SUSD6: variants seen among roughly 807,000 people sequenced by gnomAD.
SUSD6 encodes sushi domain containing 6, also known as sushi domain-containing protein 6.
In SUSD6, 16 loss-of-function variants were observed where a neutral mutation model predicts 28.4. That is an observed-to-expected ratio of 0.56 (90% CI 0.38 to 0.86). The LOEUF is 0.86. SUSD6 is among the 40% of genes least tolerant of loss of function. SUSD6 has a pLI of 0.00. For missense variants in SUSD6, 341 were observed against 384.2 expected, an observed-to-expected ratio of 0.89 and a Z score of 0.94; for synonymous variants, 147 against 159.6, an observed-to-expected ratio of 0.92 and a Z score of 0.59.
At chr14:69,697,458 C>T in intron 2 of SUSD6, among the ~76,000 whole-genome samples, 1 of 152,082 alleles carries the variant, frequency 6.6e-6, no homozygotes, top group East Asian at 1.9e-4. Flanking sequence ...AGTGTACAGA[C>T]TACTATGAGA....
At chr14:69,707,439 T>G (rs899815574) in intron 4 of SUSD6, among the ~76,000 whole-genome samples, 1 of 152,236 alleles carries the variant, frequency 6.6e-6, no homozygotes, top group African/African-American at 2.4e-5. Flanking sequence ...CAAATTTACT[T>G]TGTTATCCCA....
At chr14:69,701,581 C>T (rs1374839751) in intron 2 of SUSD6, among the ~76,000 whole-genome samples, 1 of 152,160 alleles carries the variant, frequency 6.6e-6, no homozygotes, top group African/African-American at 2.4e-5. Flanking sequence ...AGCTGGCCAG[C>T]GCTCTGAACT....
intron 2 of SUSD6, among the ~76,000 whole-genome samples, chr14:69,689,612 T>C (rs1886125556): frequency 6.6e-6 from 1 of 152,156 alleles, no homozygotes; most frequent in Non-Finnish European, 1.5e-5. Context: ...ATGAAGGAAT[T>C]TGTTAGGAAA....
At chr14:69,677,477 G>A (rs574136228) in intron 2 of SUSD6, among the ~76,000 whole-genome samples, 40 of 151,594 alleles carry the variant, frequency 2.6e-4, no homozygotes, top group African/African-American at 9.5e-4. Context: ...AACCTGGGAG[G>A]CGGAGCTTCC....
chr14:69,704,719 G>C lies in SUSD6; in HGVS notation c.435G>C (p.Lys145Asn), dbSNP rs1351672198. The C allele has an allele frequency of 6.2e-7, 1 of 1,614,016 alleles. No homozygotes were observed. Among genetic ancestry groups the C allele is most frequent in the Non-Finnish European group, 8.5e-7 (1 of 1,180,016 alleles). The change falls in exon 4 of 6, where the codon AAG becomes AAC. Residue 145 changes from lysine (K) to asparagine (N), a missense_variant. By Grantham distance (94) the Lys-to-Asn change is moderately conservative. Transcript: ENST00000342745. ...LVVLFVLLQP[K>N]LKSFHHSRRD... ...TGCTGTTTGTGCTGCTGCAGCCAAAGCTGAAGTCTTTCCATCATAGCAGGT... is the reference window on the plus strand; with the variant it reads ...TGCTGTTTGTGCTGCTGCAGCCAAACCTGAAGTCTTTCCATCATAGCAGGT...
intron 2 of SUSD6, among the ~76,000 whole-genome samples, chr14:69,689,073 C>T (rs1886116229): frequency 6.6e-6 from 1 of 152,190 alleles, no homozygotes; most frequent in Non-Finnish European, 1.5e-5. Context: ...CCACCATGTT[C>T]TTCCCACTCT....
At chr14:69,617,031 A>G (rs1316593348) in intron 1 of SUSD6, 2 of 152,228 alleles carry the variant, frequency 1.3e-5, no homozygotes, top group African/African-American at 4.8e-5. Context: ...AGATGGAATC[A>G]TATGATATGT....
intron 2 of SUSD6, among the ~76,000 whole-genome samples, chr14:69,698,182 G>C (rs777410169): frequency 1.3e-5 from 2 of 152,182 alleles, no homozygotes; most frequent in Non-Finnish European, 2.9e-5. Context: ...ACAAAAGTTA[G>C]CCGGGTGTGG....
intron 2 of SUSD6, among the ~76,000 whole-genome samples, chr14:69,684,074 G>A (rs958769002): frequency 6.6e-6 from 1 of 152,220 alleles, no homozygotes; most frequent in Non-Finnish European, 1.5e-5. Context: ...GCTTTGATCA[G>A]GCCCTGCTGC....
rs1400893298 is a variant in SUSD6, at chr14:69,703,396, G to A, written c.123G>A (p.Val41=). ...CTLLGDGLAS[V]CPLPPEPENG... ...CCTGCTCTCTCCCTGTCTTTGCAGT[G>A]TGCCCCCTACCACCGGAGCCAGAGA... The change falls in exon 3 of 6, where the codon GTG becomes GTA. Residue 41 remains valine (V), a splice_region_variant and synonymous_variant. Coordinates refer to ENST00000342745, the MANE Select transcript of SUSD6 (RefSeq NM_014734.4). 49 of 1,613,034 alleles carry A rather than the reference G, an allele frequency of 3.0e-5. No homozygotes were observed. Among genetic ancestry groups the A allele is most frequent in the Non-Finnish European group, 3.7e-5 (44 of 1,179,522 alleles).
At chr14:69,704,869 G>A (rs1380027781) in intron 4 of SUSD6, 127 bp downstream of exon 4, 1 of 972,930 alleles carries the variant, frequency 1.0e-6, no homozygotes, top group Admixed American at 2.4e-5. Context: ...GGAGTGGGGA[G>A]GGCCCTGCCA....
intron 4 of SUSD6, among the ~76,000 whole-genome samples, chr14:69,705,756 G>C (rs2139646759): frequency 6.6e-6 from 1 of 152,310 alleles, no homozygotes; most frequent in South Asian, 2.1e-4. Flanking sequence ...GGATTTTCTT[G>C]CCTGCCTTTA....
intron 2 of SUSD6, among the ~76,000 whole-genome samples, chr14:69,687,817 C>T (rs1886095393): frequency 1.3e-5 from 2 of 152,194 alleles, no homozygotes; most frequent in Admixed American, 1.3e-4. Context: ...AGCTGTGGCA[C>T]CAGCTGGGGA....
intron 2 of SUSD6, among the ~76,000 whole-genome samples, chr14:69,702,156 T>G (rs184480125): frequency 6.6e-6 from 1 of 152,248 alleles, no homozygotes; most frequent in Non-Finnish European, 1.5e-5. Context: ...ACCGTTCTTA[T>G]TCTCATACAG....
At position 69,703,117 on chromosome 14, in the gene SUSD6, A is replaced by G. The variant is rs74060287; in HGVS notation, c.122-278A>G. The stretch of plus-strand genomic sequence containing the variant: ...ATGTCTAGATCTCTATAGGTTCAAG[A>G]CTTTAGAGTCTGCCGTTCATTTATG... On this transcript the variant is annotated intron_variant, in intron 2 of 5. Transcript: ENST00000342745. Among the ~76,000 whole-genome samples, 1,164 of 152,198 alleles carry G rather than the reference A, an allele frequency of 7.6e-3. 23 individuals carry two copies. Among genetic ancestry groups the G allele is most frequent in the African/African-American group, 0.027 (1,106 of 41,510 alleles).
intron 1 of SUSD6, among the ~76,000 whole-genome samples, chr14:69,644,100 A>G (rs185829741): frequency 1.8e-4 from 27 of 152,284 alleles, no homozygotes; most frequent in Admixed American, 9.1e-4. Context: ...ATATATATAC[A>G]CAATATACAG....
intron 1 of SUSD6, among the ~76,000 whole-genome samples, chr14:69,634,529 C>G (rs1376398427): frequency 6.6e-6 from 1 of 152,230 alleles, no homozygotes; most frequent in Non-Finnish European, 1.5e-5. Context: ...ATCTCCCTTT[C>G]ATTTCTTAGA....
chr14:69,700,507 T>G (rs1241509654), intron 2 of SUSD6, among the ~76,000 whole-genome samples: 3 of 152,246 alleles, frequency 2.0e-5, no homozygotes, highest in Non-Finnish European at 2.9e-5. Flanking sequence ...TCACTCTTCA[T>G]GTTATTTTTT....
chr14:69,635,898 T>C (rs945440936), intron 1 of SUSD6, among the ~76,000 whole-genome samples: 7 of 152,220 alleles, frequency 4.6e-5, no homozygotes, highest in Non-Finnish European at 7.3e-5. Flanking sequence ...TGAGGGCATT[T>C]TGGACAGGAA....
Sources: gnomAD v4.1 joint callset for allele counts (sites outside exome capture counted in the v4.1 genomes callset) on GRCh38, gnomAD v4.1.1 for gene constraint, MANE v1.5 for transcripts, NCBI Gene and HGNC (gene_info 2026-07-23, HGNC 2026-07-21) for gene names.